The following NAALADL2 variants were observed in gnomAD, a reference collection of about 807,000 sequenced individuals.
The protein encoded by NAALADL2 is N-acetylated alpha-linked acidic dipeptidase like 2, also known as inactive N-acetylated-alpha-linked acidic dipeptidase-like protein 2.
NAALADL2 carries 76 observed loss-of-function variants against 87.2 expected under a neutral mutation model. That is an observed-to-expected ratio of 0.87 (90% CI 0.72 to 1.05). The LOEUF (loss-of-function observed/expected upper bound fraction) is 1.05, where lower values mean the gene tolerates loss of function less well. Among genes scored for constraint, NAALADL2 ranks in the 50% least tolerant of loss-of-function variants. NAALADL2 has a pLI of 0.00. For missense variants in NAALADL2, 1,089 were observed against 945.8 expected, an observed-to-expected ratio of 1.15 and a Z score of -1.99; for synonymous variants, 354 against 331.0, an observed-to-expected ratio of 1.07 and a Z score of -0.75.
chr3:174,452,535 G>T (rs764295157), intron 1 of NAALADL2, among the ~76,000 whole-genome samples: 1 of 152,052 alleles, frequency 6.6e-6, no homozygotes, highest in Admixed American at 6.5e-5. Context: ...AGTGACTGGT[G>T]GTCTGAGAGT....
intron 5 of NAALADL2, chr3:175,397,252 T>A (rs1769919793): frequency 6.6e-6 from 1 of 152,144 alleles, no homozygotes; most frequent in South Asian, 2.1e-4. Context: ...TTTAAAAAAA[T>A]ATGCTTCACA....
chr3:174,833,686 T>C (rs1723000106), intron 3 of NAALADL2, among the ~76,000 whole-genome samples: 1 of 152,088 alleles, frequency 6.6e-6, no homozygotes, highest in Admixed American at 6.6e-5. Flanking sequence ...AATGCAGCTA[T>C]ATATGAAAAA....
At chr3:175,273,701 A>G (rs1436867017) in intron 4 of NAALADL2, among the ~76,000 whole-genome samples, 3 of 151,564 alleles carry the variant, frequency 2.0e-5, no homozygotes, top group African/African-American at 7.3e-5. Flanking sequence ...AGTATTTCAT[A>G]AAGAATATGT....
Position 175,803,217 on chromosome 3 carries a change from A to AT in NAALADL2, c.*19dup, listed in dbSNP as rs1553778404. 25 of 1,569,386 alleles carry AT rather than the reference A, an allele frequency of 1.6e-5. No homozygotes were observed. The highest frequency in any genetic ancestry group is 2.0e-5 in the Non-Finnish European group (23 of 1,156,174). On this transcript the variant is annotated 3_prime_UTR_variant, in exon 14 of 14. Transcript: ENST00000454872. ...GGGAAGAATTGAGAAAACTCTGAGC[A>AT]TTTTTAAAAGTTTGTTTACAATTCC...
chr3:174,467,407 A>C (rs945973804), intron 1 of NAALADL2, among the ~76,000 whole-genome samples: 1 of 151,864 alleles, frequency 6.6e-6, no homozygotes, highest in Non-Finnish European at 1.5e-5. Context: ...AGCCTGGCCA[A>C]CATGGTGAAA....
intron 2 of NAALADL2, among the ~76,000 whole-genome samples, chr3:175,105,902 C>T (rs1305594884): frequency 3.3e-5 from 5 of 152,010 alleles, no homozygotes; most frequent in African/African-American, 1.2e-4. Context: ...AAAGATTTCA[C>T]AAAAGGTATT....
intron 3 of NAALADL2, among the ~76,000 whole-genome samples, chr3:174,791,187 C>T (rs1376569444): frequency 6.6e-6 from 1 of 152,128 alleles, no homozygotes; most frequent in Non-Finnish European, 1.5e-5. Context: ...TAAGTCAGTA[C>T]CCCTCTTATA....
At chr3:175,055,352 G>T (rs1002614487) in intron 1 of NAALADL2, among the ~76,000 whole-genome samples, 4 of 152,294 alleles carry the variant, frequency 2.6e-5, no homozygotes, top group South Asian at 4.2e-4. Context: ...GTGTGTATTT[G>T]TACCCCTTTC....
At chr3:175,341,893 G>T (rs981361267) in intron 5 of NAALADL2, among the ~76,000 whole-genome samples, 6 of 152,026 alleles carry the variant, frequency 3.9e-5, no homozygotes, top group African/African-American at 1.4e-4. Flanking sequence ...CATGTGGATA[G>T]CAAGTTGTCT....
At chr3:175,360,676 T>A (rs1764885847) in intron 5 of NAALADL2, among the ~76,000 whole-genome samples, 2 of 152,142 alleles carry the variant, frequency 1.3e-5, no homozygotes, top group South Asian at 4.1e-4. Flanking sequence ...TCTAAGGTTT[T>A]TTAGTTTGCA....
chr3:175,163,919 C>T (rs900917551), intron 2 of NAALADL2, among the ~76,000 whole-genome samples: 1 of 152,038 alleles, frequency 6.6e-6, no homozygotes, highest in Non-Finnish European at 1.5e-5. Context: ...ATTCCATTGT[C>T]AATGATGCAG....
At chr3:174,978,742 A>G (rs1328629520) in intron 1 of NAALADL2, among the ~76,000 whole-genome samples, 1 of 152,246 alleles carries the variant, frequency 6.6e-6, no homozygotes, top group East Asian at 1.9e-4. Flanking sequence ...TAAATTATAA[A>G]TCGTCCTAGA....
intron 1 of NAALADL2, among the ~76,000 whole-genome samples, chr3:175,089,068 G>A (rs1187186170): frequency 6.6e-6 from 1 of 152,140 alleles, no homozygotes; most frequent in East Asian, 1.9e-4. Context: ...CAATAAAGTA[G>A]AGGTTGTGGT....
At chr3:175,379,922 C>T (rs1767594774) in intron 5 of NAALADL2, among the ~76,000 whole-genome samples, 1 of 152,132 alleles carries the variant, frequency 6.6e-6, no homozygotes, top group African/African-American at 2.4e-5. Context: ...AAAATACTGA[C>T]ATCATTCTCA....
In NAALADL2 at chr3:175,591,812, A is replaced by G. The variant is rs1396275882; in HGVS notation, c.1800+15625A>G. On this transcript the variant is annotated intron_variant, in intron 10 of 13. Coordinates refer to ENST00000454872, the MANE Select transcript of NAALADL2 (RefSeq NM_207015.3). ...TATATATATATATATATATATATAT[A>G]TATATATATATATATGTATGAAAAT... 8.2e-3 allele frequency among the ~76,000 whole-genome samples: 595 copies of G among 72,510 alleles called. 10 individuals are homozygous for G. The highest frequency in any genetic ancestry group is 0.018 in the African/African-American group (507 of 28,450). The allele number at this position is 72,510 out of a possible 152,430, so 47.6% of individuals were successfully genotyped here. A position where few individuals can be genotyped will look rare whatever the true frequency, so the allele number is the denominator to read the frequency against.
chr3:174,599,265 A>G (rs924551383), intron 2 of NAALADL2, among the ~76,000 whole-genome samples: 1 of 152,138 alleles, frequency 6.6e-6, no homozygotes, highest in Non-Finnish European at 1.5e-5. Flanking sequence ...TAGAGTGGCT[A>G]TAAGGTTGAT....
At chr3:174,524,606 A>G (rs987205035) in intron 1 of NAALADL2, among the ~76,000 whole-genome samples, 1 of 151,934 alleles carries the variant, frequency 6.6e-6, no homozygotes, top group African/African-American at 2.4e-5. Flanking sequence ...GTGCAGTGGC[A>G]TCATTATAGC....
chr3:174,592,733 C>T (rs1717504299), intron 2 of NAALADL2, among the ~76,000 whole-genome samples: 1 of 152,078 alleles, frequency 6.6e-6, no homozygotes, highest in Non-Finnish European at 1.5e-5. Context: ...CATTATTAAT[C>T]TGTGTAACAA....
chr3:175,610,641 C>A (rs1425709584), intron 10 of NAALADL2, among the ~76,000 whole-genome samples: 1 of 152,024 alleles, frequency 6.6e-6, no homozygotes, highest in Non-Finnish European at 1.5e-5. Context: ...AGCCATCTTA[C>A]CATCTTCTTC....
Sources: gnomAD v4.1 joint callset for allele counts (sites outside exome capture counted in the v4.1 genomes callset) on GRCh38, gnomAD v4.1.1 for gene constraint, MANE v1.5 for transcripts, NCBI Gene and HGNC (gene_info 2026-07-23, HGNC 2026-07-21) for gene names.